Variants in ANKRD28 observed in about 807,000 individuals in gnomAD.
ANKRD28 encodes the protein serine/threonine-protein phosphatase 6 regulatory ankyrin repeat subunit A.
In ANKRD28, 44 loss-of-function variants were observed where a neutral mutation model predicts 126.5. The ratio of observed to expected loss-of-function variants is 0.35; its 90% CI spans 0.27 to 0.45. The LOEUF (loss-of-function observed/expected upper bound fraction) is 0.45. Ranked by LOEUF, ANKRD28 falls within the 20% of genes least tolerant of loss-of-function variation. The pLI is 1.00. For synonymous variants in ANKRD28, 442 were observed against 468.5 expected, an observed-to-expected ratio of 0.94 and a Z score of 0.73; for missense variants, 1,110 against 1,316.6, an observed-to-expected ratio of 0.84 and a Z score of 2.43.
chr3:15,807,822 C>T (rs546241376), intron 1 of ANKRD28, among the ~76,000 whole-genome samples: 5 of 152,234 alleles, frequency 3.3e-5, no homozygotes, highest in South Asian at 2.1e-4. Flanking sequence ...TAAGCTAAAT[C>T]GATGAATAAT....
rs1204909281 is a variant in ANKRD28 at position 15,751,833 on chromosome 3, G to A, written c.281-13C>T. 1 of 1,523,722 alleles carries A rather than the reference G, an allele frequency of 6.6e-7. No individual in the cohort carries two copies. The highest frequency in any genetic ancestry group is 1.3e-5 in the South Asian group (1 of 79,960). The allele number at this position is 1,523,722 out of a possible 1,614,324, so 94.4% of individuals were successfully genotyped here. A position where few individuals can be genotyped will look rare whatever the true frequency, so the allele number is the denominator to read the frequency against. ...TTAACTCTAGCTCCTGCAACAAGAA[G>A]AAAAAAATAAATTGAAATATTGTAC... On this transcript the variant is annotated splice_polypyrimidine_tract_variant and intron_variant, in intron 3 of 27. Transcript: ENST00000683139.
At chr3:15,803,731 T>G (rs536539807) in intron 1 of ANKRD28, among the ~76,000 whole-genome samples, 1 of 146,926 alleles carries the variant, frequency 6.8e-6, no homozygotes, top group Non-Finnish European at 1.5e-5. Context: ...GTTTTTGACT[T>G]AAGCAACCAG....
At chr3:15,763,432 A>G (rs1320592204) in intron 3 of ANKRD28, among the ~76,000 whole-genome samples, 2 of 152,240 alleles carry the variant, frequency 1.3e-5, no homozygotes, top group Non-Finnish European at 2.9e-5. Context: ...TATGCTAGGA[A>G]GGCAAAGTAG....
intron 2 of ANKRD28, among the ~76,000 whole-genome samples, chr3:15,788,050 G>A (rs1463082523): frequency 6.6e-6 from 1 of 152,106 alleles, no homozygotes; most frequent in African/African-American, 2.4e-5. Context: ...TTTAAAAAGG[G>A]TTGCTCATAA....
At chr3:15,765,982 T>C (rs2058718684) in intron 3 of ANKRD28, among the ~76,000 whole-genome samples, 1 of 152,214 alleles carries the variant, frequency 6.6e-6, no homozygotes, top group African/African-American at 2.4e-5. Context: ...CACTTGTATT[T>C]ATTGCTTGTT....
intron 4 of ANKRD28, among the ~76,000 whole-genome samples, chr3:15,746,026 T>C (rs1156954692): frequency 6.6e-6 from 1 of 152,244 alleles, no homozygotes; most frequent in Non-Finnish European, 1.5e-5. Context: ...CATTAGTGTA[T>C]AGCAGAACTA....
chr3:15,714,629 T>C lies in ANKRD28; in HGVS notation c.1024A>G (p.Met342Val), dbSNP rs1017227392. Residue 342 changes from methionine to valine, a missense_variant, in exon 9 of 28, where the codon ATG (methionine) becomes GTG (valine). Coordinates refer to ENST00000683139, the MANE Select transcript of ANKRD28 (RefSeq NM_001349278.2). ...KSKDGKTPLH[M>V]TALHGRFSRS... ...GAGAATCTACCGTGGAGAGCAGTCATGTGTAGTGGGGTTTTCCCATCTTTA... is the reference window on the plus strand; with the variant it reads ...GAGAATCTACCGTGGAGAGCAGTCACGTGTAGTGGGGTTTTCCCATCTTTA... The C allele has an allele frequency of 2.5e-6, 4 of 1,601,008 alleles. No individual in the cohort carries two copies. In the African/African-American group the frequency reaches 5.4e-5, roughly 22 times the overall value.
intron 1 of ANKRD28, among the ~76,000 whole-genome samples, chr3:15,806,852 G>C (rs1241674965): frequency 3.3e-5 from 5 of 152,200 alleles, no homozygotes; most frequent in South Asian, 4.1e-4. Flanking sequence ...CCTTCCACCA[G>C]TGTCTACTTT....
intron 17 of ANKRD28, among the ~76,000 whole-genome samples, chr3:15,691,376 G>A (rs1343560892): frequency 6.6e-6 from 1 of 152,154 alleles, no homozygotes; most frequent in African/African-American, 2.4e-5. Flanking sequence ...GCCCGCCTCG[G>A]CCTCCCAAAG....
At chr3:15,773,095 A>G (rs1027998421) in intron 2 of ANKRD28, among the ~76,000 whole-genome samples, 1 of 152,080 alleles carries the variant, frequency 6.6e-6, no homozygotes, top group African/African-American at 2.4e-5. Flanking sequence ...ATCTCTAGTC[A>G]TAGATGGCAT....
intron 1 of ANKRD28, among the ~76,000 whole-genome samples, chr3:15,828,402 GA>G (rs1449272217): frequency 1.3e-5 from 2 of 152,126 alleles, no homozygotes; most frequent in Non-Finnish European, 2.9e-5. Flanking sequence ...TTACATGTAA[GA>G]GATTGCATAC....
In ANKRD28 at chr3:15,721,002, A is replaced by G. The variant is rs769166944; in HGVS notation, c.909T>C (p.Phe303=). 1 of 1,613,922 alleles carries G rather than the reference A, an allele frequency of 6.2e-7. No individual in the cohort carries two copies. Among genetic ancestry groups the G allele is most frequent in the South Asian group, 1.1e-5 (1 of 91,082 alleles). Residue 303 remains phenylalanine (F), a synonymous_variant, in exon 8 of 28, where the codon TTT becomes TTC. Transcript: ENST00000683139. The part of the protein sequence containing the change: ...AIVNQKNEKG[F]TPLHFAAAST... ...ATGCAGCAGCAAAGTGCAAAGGAGT[A>G]AATCCTTTTTCATTCTTTTGATTCA...
chr3:15,818,607 T>C (rs2060881534), intron 1 of ANKRD28, among the ~76,000 whole-genome samples: 1 of 152,156 alleles, frequency 6.6e-6, no homozygotes, highest in Non-Finnish European at 1.5e-5. Flanking sequence ...AATAAGAGAT[T>C]AGTAACAACT....
chr3:15,677,192 T>A, intron 25 of ANKRD28, 136 bp from the exon 26 acceptor site: 1 of 718,618 alleles, frequency 1.4e-6, no homozygotes, highest in Non-Finnish European at 2.3e-6. Context: ...GGCTAATATC[T>A]TAATATTTGC....
rs749150565 is a variant in ANKRD28 at position 15,707,950 on chromosome 3, A to G, written c.1521T>C (p.Tyr507=). ...TGCCATCTGTGTCTGATGTAGCTGC[A>G]TAGTGCAGGGGTGTGCAGCCTCTTT... The part of the protein sequence containing the change: ...LDERGCTPLH[Y]AATSDTDGKC... The change falls in exon 14 of 28, where the codon TAT becomes TAC. Residue 507 remains tyrosine (Y), a synonymous_variant. Coordinates refer to ENST00000683139, the MANE Select transcript of ANKRD28 (RefSeq NM_001349278.2). 3 of 1,612,948 alleles carry G rather than the reference A, an allele frequency of 1.9e-6. No individual in the cohort carries two copies. Among genetic ancestry groups the G allele is most frequent in the Middle Eastern group, 1.7e-4 (1 of 6,054 alleles).
In ANKRD28 at chr3:15,669,599, A is replaced by C. The variant is rs896541201; in HGVS notation, c.*671T>G. Reference sequence around the variant, plus strand: ...ATTGGAAATTTGAAATAGTTCTGTAAAAGAAAAAAATGTAAAAATACATCT... The same window carrying C: ...ATTGGAAATTTGAAATAGTTCTGTACAAGAAAAAAATGTAAAAATACATCT... On this transcript the variant is annotated 3_prime_UTR_variant, in exon 28 of 28. Transcript: ENST00000683139. 2.6e-5 allele frequency: 4 copies of C among 152,176 alleles called. No homozygotes were observed. Among genetic ancestry groups the C allele is most frequent in the Non-Finnish European group, 4.4e-5 (3 of 68,030 alleles). 9.4% of individuals were successfully genotyped at this position (152,176 alleles called of 1,614,324 possible). A position where few individuals can be genotyped will look rare whatever the true frequency, so the allele number is the denominator to read the frequency against.
At chr3:15,679,675 CTCCCAGA>C (rs2067316044) in intron 21 of ANKRD28, 112 bp from the exon 22 acceptor site, 1 of 764,890 alleles carries the variant, frequency 1.3e-6, no homozygotes, top group Non-Finnish European at 2.1e-6. Flanking sequence ...CTCATCCCAT[CTCCCAGA>C]TCCCCTCTCT....
chr3:15,722,934 A>G (rs1226368961), intron 7 of ANKRD28, among the ~76,000 whole-genome samples: 1 of 152,174 alleles, frequency 6.6e-6, no homozygotes, highest in African/African-American at 2.4e-5. Context: ...AACTAAAAAA[A>G]AAACAAAAAA....
upstream of ANKRD28, among the ~76,000 whole-genome samples, chr3:15,799,205 A>AT: frequency 6.6e-6 from 1 of 152,150 alleles, no homozygotes; most frequent in East Asian, 1.9e-4. Context: ...CAGGTAACCT[A>AT]TAAAGGTTGT....
Sources: gnomAD v4.1 joint callset for allele counts (sites outside exome capture counted in the v4.1 genomes callset) on GRCh38, gnomAD v4.1.1 for gene constraint, MANE v1.5 for transcripts, NCBI Gene and HGNC (gene_info 2026-07-23, HGNC 2026-07-21) for gene names.